The following MYH11 variants were observed in gnomAD, a reference collection of about 807,000 sequenced individuals.
MYH11 encodes the protein myosin heavy chain 11.
MYH11 carries 80 observed loss-of-function variants against 246.6 expected under a neutral mutation model. The ratio of observed to expected loss-of-function variants is 0.32; its 90% CI spans 0.27 to 0.39. The LOEUF is 0.39. MYH11 is among the 10% of genes least tolerant of loss of function. The pLI, the probability that MYH11 is intolerant of heterozygous loss-of-function variation, is 1.00. For synonymous variants in MYH11, 1,071 were observed against 1,015.5 expected, an observed-to-expected ratio of 1.05 and a Z score of -1.04; for missense variants, 2,158 against 2,546.8, an observed-to-expected ratio of 0.85 and a Z score of 3.29.
In MYH11 at chr16:15,776,082, C is replaced by T. The variant is rs866770231; in HGVS notation, c.885G>A (p.Met295Ile). ...ATGTCATTGCTAGTCACTTACTTCT[C>T]ATCTTCTCCTTGGCTCCAGCAATCA... ...YYMIAGAKEK[M>I]RSDLLLEGFN... The change falls in exon 8 of 41, where the codon ATG (methionine) becomes ATA (isoleucine). Residue 295 changes from methionine to isoleucine, a missense_variant. Met to Ile is a conservative substitution (Grantham distance 10, BLOSUM62 1). Coordinates refer to ENST00000300036, the MANE Select transcript of MYH11 (RefSeq NM_002474.3). 3 of 1,610,414 alleles carry T rather than the reference C, an allele frequency of 1.9e-6. No individual in the cohort carries two copies. Among genetic ancestry groups the T allele is most frequent in the South Asian group, 2.2e-5 (2 of 91,010 alleles).
chr16:15,745,042 A>T, intron 20 of MYH11, 87 bp downstream of exon 20: 1 of 1,042,738 alleles, frequency 9.6e-7, no homozygotes, highest in African/African-American at 1.5e-5. Context: ...CCCACTTGCG[A>T]CCACCTCCTG....
chr16:15,829,853 G>A (rs541562353), intron 2 of MYH11, among the ~76,000 whole-genome samples: 4 of 152,316 alleles, frequency 2.6e-5, no homozygotes, highest in Admixed American at 1.3e-4. Context: ...ACACAGGGAT[G>A]GCCGGGCGCA....
At chr16:15,764,436 GAGCTTGATAC>G (rs1233608802) in intron 9 of MYH11, among the ~76,000 whole-genome samples, 1 of 151,968 alleles carries the variant, frequency 6.6e-6, no homozygotes, top group African/African-American at 2.4e-5. Flanking sequence ...TTGAAGCCAG[GAGCTTGATAC>G]AGCCTGGGCA....
In MYH11 at chr16:15,745,262, C is replaced by G; in HGVS notation, c.2412-25G>C. ...CCTAGGGAGGGGGGAAGAGAAGGTG[C>G]GGGGGTCATGAAGCCACACCCTGCT... On this transcript the variant is annotated intron_variant, in intron 19 of 40. Transcript: ENST00000300036. 2.6e-6 allele frequency: 4 copies of G among 1,558,992 alleles called. No homozygotes were observed. The South Asian group carries it at 4.4e-5, about 17-fold the overall frequency.
intron 3 of MYH11, among the ~76,000 whole-genome samples, chr16:15,810,214 T>C (rs2043107808): frequency 6.6e-6 from 1 of 151,694 alleles, no homozygotes; most frequent in African/African-American, 2.4e-5. Context: ...TTTGTATTTT[T>C]AGTAGAGATG....
At chr16:15,836,526 A>G (rs2043897471) in intron 2 of MYH11, among the ~76,000 whole-genome samples, 1 of 151,730 alleles carries the variant, frequency 6.6e-6, no homozygotes, top group African/African-American at 2.4e-5. Context: ...CGGCCTCCCA[A>G]GTAGCTGGGA....
intron 5 of MYH11, among the ~76,000 whole-genome samples, chr16:15,783,965 A>G (rs925135144): frequency 6.6e-6 from 1 of 152,040 alleles, no homozygotes; most frequent in Non-Finnish European, 1.5e-5. Flanking sequence ...CAAGGAAGAC[A>G]CCTGTGGGTT....
intron 40 of MYH11, among the ~76,000 whole-genome samples, chr16:15,710,073 A>C (rs567665642): frequency 2.0e-5 from 3 of 152,348 alleles, no homozygotes; most frequent in African/African-American, 7.2e-5. Context: ...CACCCAAAAG[A>C]TGCAGAAGGC....
chr16:15,709,039 T>A (rs948082816), intron 40 of MYH11, among the ~76,000 whole-genome samples: 2 of 152,092 alleles, frequency 1.3e-5, no homozygotes, highest in South Asian at 2.1e-4. Context: ...ACGTCCTGGA[T>A]TCAAGTGATC....
In MYH11 at chr16:15,708,829, T is replaced by TG. The variant is rs747392139; in HGVS notation, c.5787-4707dup. Reference sequence around the variant, plus strand: ...TGGTGCATCACTGCGAAGTTTCCTGTGGGGGGGGCCCTCTGAAACAGAGAG... The same window carrying TG: ...TGGTGCATCACTGCGAAGTTTCCTGTGGGGGGGGGCCCTCTGAAACAGAGAG... On this transcript the variant is annotated intron_variant, in intron 40 of 40. Transcript: ENST00000300036. 501 of 1,603,076 alleles carry TG rather than the reference T, an allele frequency of 3.1e-4. No individual in the cohort carries two copies. Among genetic ancestry groups the TG allele is most frequent in the Middle Eastern group, 6.6e-4 (4 of 6,044 alleles).
intron 2 of MYH11, among the ~76,000 whole-genome samples, chr16:15,832,007 T>C (rs1214722520): frequency 6.6e-6 from 1 of 152,040 alleles, no homozygotes; most frequent in Non-Finnish European, 1.5e-5. Context: ...TTACAGTGTC[T>C]TTCTACCCTC....
rs2040631854 is a variant in MYH11, at chr16:15,724,244, C to G, written c.4282G>C (p.Glu1428Gln). The G allele has an allele frequency of 1.2e-6, 2 of 1,614,200 alleles. No homozygotes were observed. Among genetic ancestry groups the G allele is most frequent in the Non-Finnish European group, 1.7e-6 (2 of 1,180,042 alleles). The change falls in exon 31 of 41, where the codon GAG (glutamate) becomes CAG (glutamine). Residue 1428 changes from glutamate to glutamine, a missense_variant. Coordinates refer to ENST00000300036, the MANE Select transcript of MYH11 (RefSeq NM_002474.3). ...AAATCAACAACCAGGTCGTCCAGCTCCTGCTGAAGCCTGTTCTTGGTCTTT... is the reference window on the plus strand; with the variant it reads ...AAATCAACAACCAGGTCGTCCAGCTGCTGCTGAAGCCTGTTCTTGGTCTTT... Reference protein sequence around the residue: ...LEKTKNRLQQELDDLVVDLDN... With the variant: ...LEKTKNRLQQQLDDLVVDLDN...
chr16:15,727,428 T>G (rs1175303144), intron 27 of MYH11, among the ~76,000 whole-genome samples: 1 of 152,098 alleles, frequency 6.6e-6, no homozygotes. Context: ...CTCGAACTCC[T>G]GACCTCAAGT....
intron 3 of MYH11, among the ~76,000 whole-genome samples, chr16:15,817,519 A>AG (rs144792783): frequency 0.056 from 8,501 of 152,064 alleles, 741 homozygotes; most frequent in African/African-American, 0.19. Context: ...TCAAAAAAAA[A>AG]GGGGGGGAGA....
chr16:15,708,230 T>C (rs535514713), intron 40 of MYH11, among the ~76,000 whole-genome samples: 1 of 152,162 alleles, frequency 6.6e-6, no homozygotes, highest in Non-Finnish European at 1.5e-5. Flanking sequence ...GACATCGCAG[T>C]GAGCTCATTT....
chr16:15,839,485 G>C (rs2043994280), intron 1 of MYH11, among the ~76,000 whole-genome samples: 1 of 151,790 alleles, frequency 6.6e-6, no homozygotes, highest in Non-Finnish European at 1.5e-5. Flanking sequence ...CTGAGGTCAG[G>C]AGTTCAAGAC....
intron 4 of MYH11, among the ~76,000 whole-genome samples, chr16:15,793,521 G>A (rs1257102328): frequency 1.3e-5 from 2 of 151,886 alleles, no homozygotes; most frequent in Non-Finnish European, 2.9e-5. Flanking sequence ...TCAAACTTCT[G>A]GCTTCCAGCC....
intron 40 of MYH11, chr16:15,712,882 G>GTTTTTTTTTTTTTTTTTTTTTTTTTTGT (rs59799809): frequency 1.1e-5 from 1 of 90,636 alleles, no homozygotes; most frequent in Non-Finnish European, 2.3e-5. Flanking sequence ...TTCACATACA[G>GTTTTTTTTTTTTTTTTTTTTTTTTTTGT]TTTTTTTTTT....
chr16:15,758,360 C>T (rs910330543), intron 12 of MYH11, among the ~76,000 whole-genome samples: 1 of 152,122 alleles, frequency 6.6e-6, no homozygotes, highest in Non-Finnish European at 1.5e-5. Flanking sequence ...ACACTTCTTT[C>T]GGGACATCTA....
Sources: allele counts gnomAD v4.1 joint callset (sites outside exome capture counted in the v4.1 genomes callset), GRCh38; gene constraint gnomAD v4.1.1; transcripts MANE v1.5; gene names NCBI Gene and HGNC (gene_info 2026-07-23, HGNC 2026-07-21).